LNPK: variants seen among roughly 807,000 people sequenced by gnomAD.
LNPK encodes lunapark, ER junction formation factor.
LNPK carries 29 observed loss-of-function variants against 55.2 expected under a neutral mutation model. The ratio of observed to expected loss-of-function variants is 0.53; its 90% CI spans 0.39 to 0.72. LNPK has a LOEUF of 0.72. Ranked by LOEUF, LNPK falls within the 30% of genes least tolerant of loss-of-function variation. The pLI is 0.00. For synonymous variants in LNPK, 162 were observed against 168.2 expected (o/e 0.96, Z 0.29); for missense variants, 467 against 494.8 (o/e 0.94, Z 0.53).
chr2:175,927,716 C>A lies in LNPK; in HGVS notation c.*2251G>T, dbSNP rs1684073344. 6.6e-6 allele frequency: 1 copy of A among 151,960 alleles called. No homozygotes were observed. Among genetic ancestry groups the A allele is most frequent in the Non-Finnish European group, 1.5e-5 (1 of 67,984 alleles). 9.4% of individuals were successfully genotyped at this position (151,960 alleles called of 1,614,324 possible). On this transcript the variant is annotated 3_prime_UTR_variant, in exon 13 of 13. Coordinates refer to ENST00000272748, the MANE Select transcript of LNPK (RefSeq NM_030650.3). ...TGGTACTTAATAGCTTGGATTTTCT[C>A]ATTTATACTAGTCTTAATAATCAGA...
chr2:175,981,436 C>G (rs143878932), intron 4 of LNPK, among the ~76,000 whole-genome samples: 201 of 152,208 alleles, frequency 1.3e-3, no homozygotes, highest in African/African-American at 4.7e-3. Flanking sequence ...GAAAAATCAG[C>G]CAAAGTGAGT....
intron 8 of LNPK, among the ~76,000 whole-genome samples, chr2:175,964,143 ATATT>A (rs1005333752): frequency 5.9e-5 from 9 of 152,332 alleles, no homozygotes; most frequent in Admixed American, 5.2e-4. Flanking sequence ...AACCAATGAT[ATATT>A]TAATCTCAAT....
At chr2:175,948,351 T>C (rs1322912199) in intron 8 of LNPK, among the ~76,000 whole-genome samples, 9 of 152,312 alleles carry the variant, frequency 5.9e-5, no homozygotes, top group African/African-American at 2.2e-4. Flanking sequence ...GCATGCCAAA[T>C]TCAGGCTGCC....
At chr2:175,990,158 T>A (rs1559073339) in intron 4 of LNPK, among the ~76,000 whole-genome samples, 2 of 152,240 alleles carry the variant, frequency 1.3e-5, no homozygotes, top group Admixed American at 1.3e-4. Context: ...AACCTCATGT[T>A]GAAATTTGTC....
At position 175,926,767 on chromosome 2, in the gene LNPK, T is replaced by G. The variant is rs1404066113; in HGVS notation, c.*3200A>C. Reference sequence around the variant, plus strand: ...CTAGAAGATGTTTAGGAGACAAAAATTGACAGCTTGAATAAAGGGAAAAGA... The same window carrying G: ...CTAGAAGATGTTTAGGAGACAAAAAGTGACAGCTTGAATAAAGGGAAAAGA... On this transcript the variant is annotated 3_prime_UTR_variant, in exon 13 of 13. Coordinates refer to ENST00000272748, the MANE Select transcript of LNPK (RefSeq NM_030650.3). The G allele has an allele frequency of 6.6e-6, 1 of 151,954 alleles. No homozygotes were observed. Among genetic ancestry groups the G allele is most frequent in the Non-Finnish European group, 1.5e-5 (1 of 67,998 alleles). 9.4% of individuals were successfully genotyped at this position (151,954 alleles called of 1,614,324 possible).
chr2:175,949,679 T>G (rs561445016), intron 8 of LNPK, among the ~76,000 whole-genome samples: 10 of 152,150 alleles, frequency 6.6e-5, no homozygotes, highest in African/African-American at 2.4e-4. Context: ...GGACACCATG[T>G]CAAGCATTCC....
rs79679348 is a variant in LNPK at position 175,941,852 on chromosome 2, A to C, written c.707-2195T>G. ...GAGAGAAATCTTAAAAAAAAAAAAC[A>C]AAAAAAAAATACATTATGTACAGAG... On this transcript the variant is annotated intron_variant, in intron 9 of 12. Coordinates refer to ENST00000272748, the MANE Select transcript of LNPK (RefSeq NM_030650.3). Among the ~76,000 whole-genome samples, 782 of 80,726 alleles carry C rather than the reference A, an allele frequency of 9.7e-3. 6 individuals are homozygous for C. The highest frequency in any genetic ancestry group is 0.045 in the African/African-American group (726 of 16,260). 53.0% of individuals were successfully genotyped at this position (80,726 alleles called of 152,430 possible).
Position 175,995,617 on chromosome 2 carries a change from A to T in LNPK, c.-33T>A. The T allele has an allele frequency of 1.3e-6, 2 of 1,567,390 alleles. No homozygotes were observed. The highest frequency in any genetic ancestry group is 1.8e-6 in the Non-Finnish European group (2 of 1,138,674). On this transcript the variant is annotated 5_prime_UTR_variant, in exon 2 of 13. Transcript: ENST00000272748. The stretch of plus-strand genomic sequence containing the variant: ...TTGTAGAAACTGGGCACAATGATAA[A>T]TATCATCAATTGTCCAAAGGAATTC...
chr2:175,930,224 T>G, intron 12 of LNPK, 25 bp from the exon 13 acceptor site: 1 of 1,597,394 alleles, frequency 6.3e-7, no homozygotes, highest in Non-Finnish European at 8.5e-7. Context: ...ATTCAAAACT[T>G]TAGGAATACC....
chr2:175,952,213 T>C (rs1178740841), intron 8 of LNPK, among the ~76,000 whole-genome samples: 1 of 152,120 alleles, frequency 6.6e-6, no homozygotes, highest in East Asian at 1.9e-4. Flanking sequence ...TGAACTCCCA[T>C]GTCCAGTTCT....
chr2:175,986,941 A>G (rs1687442729), intron 4 of LNPK, among the ~76,000 whole-genome samples: 1 of 151,928 alleles, frequency 6.6e-6, no homozygotes, highest in Non-Finnish European at 1.5e-5. Context: ...TAATTAGCCA[A>G]GAGAAAAAAA....
Position 175,937,446 on chromosome 2 carries a change from G to A in LNPK, c.952C>T (p.Pro318Ser), listed in dbSNP as rs1222600921. 6.2e-7 allele frequency: 1 copy of A among 1,613,656 alleles called. No homozygotes were observed. Among genetic ancestry groups the A allele is most frequent in the Admixed American group, 1.7e-5 (1 of 59,970 alleles). Residue 318 changes from proline (P) to serine (S), a missense_variant, in exon 12 of 13, where the codon CCT becomes TCT. Pro to Ser is a moderately conservative substitution (Grantham distance 74, BLOSUM62 -1). Transcript: ENST00000272748. Reference protein sequence around the residue: ...RKTRPQAPRLPEFSFEKRQVV... With the variant: ...RKTRPQAPRLSEFSFEKRQVV... ...TGCCTCTTCTCAAAACTAAACTCAGGAAGTCTTGGAGCCTGAGGTCTGGTT... is the reference window on the plus strand; with the variant it reads ...TGCCTCTTCTCAAAACTAAACTCAGAAAGTCTTGGAGCCTGAGGTCTGGTT...
At chr2:175,956,930 C>G (rs1473694662) in intron 8 of LNPK, among the ~76,000 whole-genome samples, 3 of 152,162 alleles carry the variant, frequency 2.0e-5, no homozygotes, top group African/African-American at 7.2e-5. Context: ...GAAAAGCACA[C>G]AGAATCCTGC....
At chr2:175,938,411 C>G in intron 10 of LNPK, 28 bp from the exon 11 acceptor site, 1 of 1,353,732 alleles carries the variant, frequency 7.4e-7, no homozygotes, top group Non-Finnish European at 1.0e-6. Context: ...ATGAACAGAC[C>G]AGTTACAAAT....
intron 6 of LNPK, among the ~76,000 whole-genome samples, chr2:175,969,180 T>C (rs985301538): frequency 2.0e-5 from 3 of 152,192 alleles, no homozygotes; most frequent in Non-Finnish European, 2.9e-5. Flanking sequence ...TAAAGTGAAT[T>C]AGAGCCAACA....
intron 5 of LNPK, among the ~76,000 whole-genome samples, chr2:175,976,160 A>G (rs1369976072): frequency 1.1e-4 from 16 of 152,222 alleles, no homozygotes; most frequent in Non-Finnish European, 1.9e-4. Flanking sequence ...AAGTCAGGAT[A>G]TGAATTCAGA....
At chr2:175,995,804 CTTTTT>C (rs10674444) in intron 1 of LNPK, among the ~76,000 whole-genome samples, 158 bp from the exon 2 acceptor site, 8 of 66,424 alleles carry the variant, frequency 1.2e-4, no homozygotes, top group Non-Finnish European at 1.6e-4. Context: ...TAGAGTCTAC[CTTTTT>C]TTTTTTTTTT....
intron 2 of LNPK, chr2:175,994,381 G>A: frequency 1.1e-6 from 1 of 941,008 alleles, no homozygotes; most frequent in South Asian, 4.9e-5. Flanking sequence ...AAACAAGGCT[G>A]TTCCAGCAAT....
intron 4 of LNPK, among the ~76,000 whole-genome samples, chr2:175,987,672 A>G (rs888683244): frequency 1.3e-4 from 9 of 68,300 alleles, no homozygotes; most frequent in African/African-American, 3.6e-4. Flanking sequence ...TTAAAGTATA[A>G]TTAAAAAAAA....
Sources: gnomAD v4.1 joint callset for allele counts (sites outside exome capture counted in the v4.1 genomes callset) on GRCh38, gnomAD v4.1.1 for gene constraint, MANE v1.5 for transcripts, NCBI Gene and HGNC (gene_info 2026-07-23, HGNC 2026-07-21) for gene names.